Variants in KIAA1671 observed in about 807,000 individuals in gnomAD.
KIAA1671 encodes KIAA1671.
A neutral mutation model predicts 131.2 loss-of-function variants in KIAA1671; 52 were observed. The observed-to-expected ratio is 0.40, with a 90% CI of 0.32 to 0.50. The LOEUF (loss-of-function observed/expected upper bound fraction) is 0.50, where lower values mean the gene tolerates loss of function less well. Among genes scored for constraint, KIAA1671 ranks in the 20% least tolerant of loss-of-function variants. The probability of loss-of-function intolerance (pLI) is 0.73; values close to 1 mark genes in which losing one functional copy is unlikely to be tolerated. For synonymous variants in KIAA1671, 1,003 were observed against 961.6 expected (o/e 1.04, Z -0.80); for missense variants, 2,360 against 2,364.2 (o/e 1.00, Z 0.04).
chr22:25,189,483 T>G (rs898686988), intron 11 of KIAA1671, among the ~76,000 whole-genome samples: 1 of 152,190 alleles, frequency 6.6e-6, no homozygotes, highest in Admixed American at 6.5e-5. Context: ...AGGCCAGTCT[T>G]TTTCTATTCA....
chr22:24,981,916 G>A (rs1163729229), intron 1 of KIAA1671, among the ~76,000 whole-genome samples: 1 of 152,080 alleles, frequency 6.6e-6, no homozygotes, highest in Admixed American at 6.6e-5. Flanking sequence ...AACATAAAAG[G>A]AAAACTCCCC....
chr22:24,979,140 C>T (rs1298687642), intron 1 of KIAA1671, among the ~76,000 whole-genome samples: 5 of 148,484 alleles, frequency 3.4e-5, no homozygotes, highest in South Asian at 4.3e-4. Flanking sequence ...GGATTACAGG[C>T]GCACATCACC....
At chr22:25,045,176 T>A (rs1807695) in intron 5 of KIAA1671, among the ~76,000 whole-genome samples, 104,688 of 137,334 alleles carry the variant, frequency 0.76, 37,827 homozygotes, top group African/African-American at 0.92. Context: ...AAAAAAAAAA[T>A]TTTGAAATAC....
intron 6 of KIAA1671, among the ~76,000 whole-genome samples, chr22:25,089,335 C>T (rs1472354381): frequency 3.7e-5 from 5 of 134,338 alleles, no homozygotes; most frequent in African/African-American, 5.9e-5. Flanking sequence ...AGTGCAGTGG[C>T]GCGATCTCGG....
At chr22:24,996,356 T>A (rs539590876) in intron 1 of KIAA1671, among the ~76,000 whole-genome samples, 2 of 152,002 alleles carry the variant, frequency 1.3e-5, no homozygotes, top group African/African-American at 4.8e-5. Context: ...CCTCCCCACA[T>A]GTGCACTCAC....
intron 6 of KIAA1671, among the ~76,000 whole-genome samples, chr22:25,072,156 C>T (rs1475827979): frequency 6.6e-6 from 1 of 152,142 alleles, no homozygotes; most frequent in East Asian, 1.9e-4. Context: ...CCATGGCATG[C>T]CCATGGTACA....
At chr22:25,023,371 T>A (rs1399727860) in intron 1 of KIAA1671, 2 of 151,848 alleles carry the variant, frequency 1.3e-5, no homozygotes, top group Non-Finnish European at 2.9e-5. Flanking sequence ...TCTAAAAATA[T>A]AAAAATAAAA....
chr22:25,135,916 T>A (rs118056341), intron 6 of KIAA1671, among the ~76,000 whole-genome samples: 1 of 152,382 alleles, frequency 6.6e-6, no homozygotes, highest in East Asian at 1.9e-4. Context: ...ATGCTTTGCA[T>A]CCTTGCAGCC....
intron 8 of KIAA1671, chr22:25,174,758 T>G: frequency 2.8e-6 from 1 of 354,514 alleles, no homozygotes; most frequent in Non-Finnish European, 5.1e-6. Context: ...TCAAATACAA[T>G]TGCATGCATT....
intron 6 of KIAA1671, among the ~76,000 whole-genome samples, chr22:25,094,750 T>A (rs1273247849): frequency 6.6e-6 from 1 of 152,178 alleles, no homozygotes; most frequent in Non-Finnish European, 1.5e-5. Context: ...CATTACCGTC[T>A]GAGCCTGGCC....
intron 6 of KIAA1671, among the ~76,000 whole-genome samples, chr22:25,163,828 A>T (rs759501700): frequency 1.3e-5 from 2 of 152,150 alleles, no homozygotes; most frequent in African/African-American, 4.8e-5. Context: ...GTATTTTGCA[A>T]TAATAACTAA....
chr22:25,040,692 G>A lies in KIAA1671; in HGVS notation c.3562G>A (p.Gly1188Ser), dbSNP rs1231249263. The A allele has an allele frequency of 6.4e-7, 1 of 1,552,142 alleles. No individual in the cohort carries two copies. Among genetic ancestry groups the A allele is most frequent in the East Asian group, 2.4e-5 (1 of 40,914 alleles). Reference protein sequence around the residue: ...KTDVISDTFPGKIRDGYRSSV... With the variant: ...KTDVISDTFPSKIRDGYRSSV... ...TGATGTGATCAGTGACACGTTCCCA[G>A]GTAAAATCAGAGATGGCTACAGATC... is the stretch of plus-strand genomic sequence containing the variant. The change falls in exon 5 of 13, where the codon GGT (glycine) becomes AGT (serine). Residue 1188 changes from glycine (G) to serine (S), a missense_variant. Around this residue, in one of 3 missense-constraint regions of KIAA1671, gnomAD observed 1,161 missense variants for 1,204.7 expected, o/e 0.96. Coordinates refer to ENST00000358431, the MANE Select transcript of KIAA1671 (RefSeq NM_001145206.2).
intron 6 of KIAA1671, among the ~76,000 whole-genome samples, chr22:25,073,949 C>T (rs1928962456): frequency 6.6e-6 from 1 of 152,214 alleles, no homozygotes; most frequent in Non-Finnish European, 1.5e-5. Context: ...CCGCCTGGGC[C>T]TCCCAAAGTG....
At chr22:24,992,888 A>G (rs981721806) in intron 1 of KIAA1671, among the ~76,000 whole-genome samples, 1 of 151,050 alleles carries the variant, frequency 6.6e-6, no homozygotes, top group Non-Finnish European at 1.5e-5. Context: ...TCTCTCAGCT[A>G]CTATTCAAAG....
rs1456012663 is a variant in KIAA1671 at position 25,000,323 on chromosome 22, AG to A, written c.-207-25309del. Among the ~76,000 whole-genome samples, 27 of 91,604 alleles carry A rather than the reference AG, an allele frequency of 2.9e-4. 4 individuals carry two copies. Among genetic ancestry groups the A allele is most frequent in the South Asian group, 1.2e-3 (3 of 2,524 alleles). The allele number at this position is 91,604 out of a possible 152,430, so 60.1% of individuals were successfully genotyped here. A position where few individuals can be genotyped will look rare whatever the true frequency, so the allele number is the denominator to read the frequency against. Reference sequence around the variant, plus strand: ...ATTCTCCTGCCTCAGCCTCCCAAGTAGCTGGGACTACAGGCGCGCGCCACTA... The same window carrying A: ...ATTCTCCTGCCTCAGCCTCCCAAGTACTGGGACTACAGGCGCGCGCCACTA... On this transcript the variant is annotated intron_variant, in intron 1 of 12. Transcript: ENST00000358431.
chr22:24,979,265 C>T (rs1485293242), intron 1 of KIAA1671, among the ~76,000 whole-genome samples: 4 of 150,178 alleles, frequency 2.7e-5, no homozygotes, highest in African/African-American at 7.3e-5. Context: ...ATCTGCCTGC[C>T]TCGGCCTCCC....
At chr22:24,961,828 G>T (rs932261090) in intron 1 of KIAA1671, among the ~76,000 whole-genome samples, 1 of 152,244 alleles carries the variant, frequency 6.6e-6, no homozygotes, top group Non-Finnish European at 1.5e-5. Context: ...GGTCCTTGCA[G>T]GAGTAGAGGG....
At chr22:25,041,578 C>T in intron 5 of KIAA1671, 53 bp downstream of exon 5, 1 of 1,458,776 alleles carries the variant, frequency 6.9e-7, no homozygotes, top group Non-Finnish European at 9.1e-7. Flanking sequence ...AACATCTAGT[C>T]TAGGGGGCCG....
chr22:25,053,149 T>A (rs1927631652), intron 6 of KIAA1671: 1 of 151,930 alleles, frequency 6.6e-6, no homozygotes, highest in Admixed American at 6.6e-5. Context: ...TAGGGAAGTG[T>A]CTTGTGTATG....
Sources: allele counts gnomAD v4.1 joint callset (sites outside exome capture counted in the v4.1 genomes callset), GRCh38; gene constraint gnomAD v4.1.1; regional missense constraint gnomAD v4.1.1; transcripts MANE v1.5; gene names NCBI Gene and HGNC (gene_info 2026-07-23, HGNC 2026-07-21).